PLA2G12B: variants seen among roughly 807,000 people sequenced by gnomAD.
The protein encoded by PLA2G12B is phospholipase A2 group XIIB.
Under a neutral mutation model 22.3 loss-of-function variants are expected in PLA2G12B, and 19 were observed. The ratio of observed to expected loss-of-function variants is 0.85; its 90% CI spans 0.60 to 1.25. PLA2G12B has a LOEUF of 1.25. PLA2G12B is among the 50% of genes most tolerant of loss of function. PLA2G12B has a pLI of 0.00. For synonymous variants in PLA2G12B, 81 were observed against 94.9 expected, an observed-to-expected ratio of 0.85 and a Z score of 0.85; for missense variants, 191 against 246.6, an observed-to-expected ratio of 0.77 and a Z score of 1.51.
intron 1 of PLA2G12B, among the ~76,000 whole-genome samples, chr10:72,943,947 G>T (rs1352715149): frequency 6.6e-6 from 1 of 152,144 alleles, no homozygotes; most frequent in Non-Finnish European, 1.5e-5. Context: ...TAAGGCATAT[G>T]ACAGTTTCTT....
Position 72,935,336 on chromosome 10 carries a change from T to G in PLA2G12B, c.*281A>C. 1 of 297,082 alleles carries G rather than the reference T, an allele frequency of 3.4e-6. No individual in the cohort carries two copies. The highest frequency in any genetic ancestry group is 6.2e-6 in the Non-Finnish European group (1 of 160,990). The allele number at this position is 297,082 out of a possible 1,614,324, so 18.4% of individuals were successfully genotyped here. On this transcript the variant is annotated 3_prime_UTR_variant, in exon 4 of 4. Coordinates refer to ENST00000373032, the MANE Select transcript of PLA2G12B (RefSeq NM_032562.5). ...CCAGGAATTGCAGGGTTTGCTTGCATTTTAGTCTTTAAGCTAAGAACTGAA... is the reference window on the plus strand; with the variant it reads ...CCAGGAATTGCAGGGTTTGCTTGCAGTTTAGTCTTTAAGCTAAGAACTGAA...
chr10:72,942,774 A>G, intron 1 of PLA2G12B, 34 bp from the exon 2 acceptor site: 2 of 1,490,120 alleles, frequency 1.3e-6, no homozygotes, highest in Non-Finnish European at 1.8e-6. Flanking sequence ...AAGCAAGAAG[A>G]AATATTTAGA....
chr10:72,944,089 CTT>C (rs975679169), intron 1 of PLA2G12B, among the ~76,000 whole-genome samples: 1 of 150,238 alleles, frequency 6.7e-6, no homozygotes, highest in African/African-American at 2.4e-5. Context: ...TGCTTTTCTT[CTT>C]TCTTTCTTTC....
chr10:72,954,112 C>G (rs1313013589), intron 1 of PLA2G12B, among the ~76,000 whole-genome samples: 3 of 131,326 alleles, frequency 2.3e-5, no homozygotes, highest in Admixed American at 7.1e-5. Flanking sequence ...CACCCTCCTT[C>G]TTCCCACCCC....
rs370616986 is a variant in PLA2G12B, at chr10:72,949,244, G to A, written c.211+5231C>T. Among the ~76,000 whole-genome samples, 13 of 152,220 alleles carry A rather than the reference G, an allele frequency of 8.5e-5. 1 individual carries two copies. Among genetic ancestry groups the A allele is most frequent in the African/African-American group, 2.6e-4 (11 of 41,530 alleles). On this transcript the variant is annotated intron_variant, in intron 1 of 3. Coordinates refer to ENST00000373032, the MANE Select transcript of PLA2G12B (RefSeq NM_032562.5). The stretch of plus-strand genomic sequence containing the variant: ...ATATTTCCAAAAGAAATTCACGGGA[G>A]TGCTTTTTTCCTATCTCGGACAGCA...
rs1564606677 is a variant in PLA2G12B, at chr10:72,954,691, AGCCAGGTAGGTACTG to A, written c.-21_-7del. The A allele has an allele frequency of 6.2e-7, 1 of 1,613,770 alleles. No homozygotes were observed. Among genetic ancestry groups the A allele is most frequent in the Admixed American group, 1.7e-5 (1 of 60,018 alleles). On this transcript the variant is annotated 5_prime_UTR_variant, in exon 1 of 4. Transcript: ENST00000373032. ...AAGCCACTGGCCAGCTTCATCCTGCAGCCAGGTAGGTACTGGCTTCTCTCCTCAAACCCCAGCCAG... is the reference window on the plus strand; with the variant it reads ...AAGCCACTGGCCAGCTTCATCCTGCAGCTTCTCTCCTCAAACCCCAGCCAG...
intron 1 of PLA2G12B, among the ~76,000 whole-genome samples, chr10:72,944,288 G>C (rs1201868166): frequency 2.0e-5 from 3 of 152,062 alleles, no homozygotes; most frequent in Non-Finnish European, 4.4e-5. Context: ...TCAAGTACAG[G>C]TTCAGGTGCA....
In PLA2G12B at chr10:72,942,711, T is replaced by C. The variant is rs1846382467; in HGVS notation, c.241A>G (p.Lys81Glu). 1.2e-6 allele frequency: 2 copies of C among 1,606,788 alleles called. No homozygotes were observed. The highest frequency in any genetic ancestry group is 1.7e-6 in the Non-Finnish European group (2 of 1,176,472). Residue 81 changes from lysine (K) to glutamate (E), a missense_variant, in exon 2 of 4, where the codon AAG becomes GAG. Lys to Glu is a moderately conservative substitution (Grantham distance 56, BLOSUM62 1). Transcript: ENST00000373032. Reference sequence around the variant, plus strand: ...CCGCAGCCATTGGGCTCTTGGGGCTTGTAGCCAGGTCTGGGCATTGGTGCC... The same window carrying C: ...CCGCAGCCATTGGGCTCTTGGGGCTCGTAGCCAGGTCTGGGCATTGGTGCC... ...GKAPMPRPGY[K>E]PQEPNGCGSY...
At chr10:72,938,568 T>C (rs966132655) in intron 3 of PLA2G12B, among the ~76,000 whole-genome samples, 1 of 152,118 alleles carries the variant, frequency 6.6e-6, no homozygotes, top group Non-Finnish European at 1.5e-5. Context: ...AAAATTTAAA[T>C]ACAATTACAT....
At chr10:72,944,057 T>C (rs1365905547) in intron 1 of PLA2G12B, among the ~76,000 whole-genome samples, 1 of 151,948 alleles carries the variant, frequency 6.6e-6, no homozygotes, top group East Asian at 1.9e-4. Context: ...CCTTCTTTCC[T>C]TCCTTCCTCC....
chr10:72,954,431 TC>T (rs748963526), intron 1 of PLA2G12B, 43 bp downstream of exon 1: 1 of 1,612,836 alleles, frequency 6.2e-7, no homozygotes, highest in African/African-American at 1.3e-5. Flanking sequence ...TGTCCATGGG[TC>T]CACCAGCAAC....
At chr10:72,937,368 T>C (rs1846295359) in intron 3 of PLA2G12B, among the ~76,000 whole-genome samples, 1 of 152,206 alleles carries the variant, frequency 6.6e-6, no homozygotes, top group African/African-American at 2.4e-5. Flanking sequence ...TACTAGTGTA[T>C]ATAAATACAA....
intron 1 of PLA2G12B, among the ~76,000 whole-genome samples, chr10:72,952,711 G>A (rs1295309777): frequency 2.0e-5 from 3 of 152,154 alleles, no homozygotes; most frequent in East Asian, 3.9e-4. Context: ...AGGCATAACC[G>A]CCTATTTTTC....
At chr10:72,936,376 G>A (rs74145990) in intron 3 of PLA2G12B, among the ~76,000 whole-genome samples, 5,976 of 152,216 alleles carry the variant, frequency 0.039, 406 homozygotes, top group African/African-American at 0.14. Context: ...ATTAGGAGAG[G>A]TATCTTAGAG....
intron 3 of PLA2G12B, among the ~76,000 whole-genome samples, 174 bp downstream of exon 3, chr10:72,940,995 G>A (rs993144514): frequency 3.3e-5 from 5 of 152,160 alleles, no homozygotes; most frequent in African/African-American, 1.2e-4. Flanking sequence ...AAGAACTTGA[G>A]TGAAGGAGTG....
intron 3 of PLA2G12B, among the ~76,000 whole-genome samples, chr10:72,940,775 T>C (rs1433150341): frequency 6.6e-6 from 1 of 150,488 alleles, no homozygotes; most frequent in Admixed American, 6.6e-5. Flanking sequence ...GAAAACAAAA[T>C]TACAAAAAAA....
chr10:72,937,014 A>G (rs1057252692), intron 3 of PLA2G12B, among the ~76,000 whole-genome samples: 1 of 152,226 alleles, frequency 6.6e-6, no homozygotes, highest in African/African-American at 2.4e-5. Flanking sequence ...TAACAAGACC[A>G]TCCTGGCTAA....
At chr10:72,939,675 G>A (rs1357452836) in intron 3 of PLA2G12B, among the ~76,000 whole-genome samples, 1 of 152,214 alleles carries the variant, frequency 6.6e-6, no homozygotes, top group Non-Finnish European at 1.5e-5. Flanking sequence ...GATTCACCAG[G>A]TTGGAAACAC....
chr10:72,942,315 A>C (rs1375823907), intron 2 of PLA2G12B, among the ~76,000 whole-genome samples: 1 of 152,138 alleles, frequency 6.6e-6, no homozygotes, highest in Admixed American at 6.5e-5. Flanking sequence ...AGCTGGCTCT[A>C]GCACATCACT....
Sources: allele counts gnomAD v4.1 joint callset (sites outside exome capture counted in the v4.1 genomes callset), GRCh38; gene constraint gnomAD v4.1.1; transcripts MANE v1.5; gene names NCBI Gene and HGNC (gene_info 2026-07-23, HGNC 2026-07-21).